Variants in STT3B observed in about 807,000 individuals in gnomAD.
The protein encoded by STT3B is dolichyl-diphosphooligosaccharide--protein glycosyltransferase subunit STT3B.
Under a neutral mutation model 96.8 loss-of-function variants are expected in STT3B, and 29 were observed. The ratio of observed to expected loss-of-function variants is 0.30; its 90% CI spans 0.22 to 0.41. The LOEUF is 0.41. Among genes scored for constraint, STT3B ranks in the 10% least tolerant of loss-of-function variants. The pLI is 1.00. For missense variants in STT3B, 640 were observed against 1,022.3 expected (o/e 0.63, Z 5.10); for synonymous variants, 367 against 360.0 (o/e 1.02, Z -0.22).
At chr3:31,537,872 T>A (rs879297861) in intron 1 of STT3B, among the ~76,000 whole-genome samples, 3 of 152,216 alleles carry the variant, frequency 2.0e-5, no homozygotes, top group Non-Finnish European at 2.9e-5. Flanking sequence ...TTTATTGTTA[T>A]ATCTTAGTAT....
chr3:31,538,705 C>T (rs1300686309), intron 1 of STT3B, among the ~76,000 whole-genome samples: 2 of 152,092 alleles, frequency 1.3e-5, no homozygotes, highest in Non-Finnish European at 2.9e-5. Context: ...TAGTATAGGA[C>T]CCACTGATAT....
chr3:31,618,328 G>C (rs1699354732), intron 8 of STT3B, among the ~76,000 whole-genome samples: 1 of 151,666 alleles, frequency 6.6e-6, no homozygotes, highest in Admixed American at 6.6e-5. Context: ...TTATTCTTAA[G>C]AATTCTTAAG....
chr3:31,572,713 T>G (rs928036600), intron 1 of STT3B, among the ~76,000 whole-genome samples: 3 of 152,080 alleles, frequency 2.0e-5, no homozygotes, highest in African/African-American at 4.8e-5. Flanking sequence ...CATAAAACAT[T>G]AGCTGAGTGT....
In STT3B at chr3:31,608,110, T is replaced by A. The variant is rs947466748; in HGVS notation, c.878-6995T>A. Reference sequence around the variant, plus strand: ...ATTCCATCTTCTACAGATGCAATATTATTATTTGCATTAATTGTTTTGCCT... The same window carrying A: ...ATTCCATCTTCTACAGATGCAATATAATTATTTGCATTAATTGTTTTGCCT... On this transcript the variant is annotated intron_variant, in intron 5 of 15. Transcript: ENST00000295770. 3.3e-5 allele frequency among the ~76,000 whole-genome samples: 5 copies of A among 152,330 alleles called. No individual in the cohort carries two copies. In the South Asian group the frequency reaches 1.0e-3, roughly 32 times the overall value.
intron 1 of STT3B, among the ~76,000 whole-genome samples, chr3:31,559,460 A>T (rs1376709881): frequency 6.6e-6 from 1 of 151,550 alleles, no homozygotes; most frequent in Non-Finnish European, 1.5e-5. Flanking sequence ...TCCTTCACCC[A>T]GTGGCCATTT....
At chr3:31,577,534 C>T (rs1168293082) in intron 2 of STT3B, among the ~76,000 whole-genome samples, 3 of 152,074 alleles carry the variant, frequency 2.0e-5, no homozygotes, top group Admixed American at 6.6e-5. Context: ...GGTTAGAGAA[C>T]ACCTTCTATG....
chr3:31,620,858 C>G (rs1028927402), intron 9 of STT3B, among the ~76,000 whole-genome samples: 1 of 152,152 alleles, frequency 6.6e-6, no homozygotes, highest in Non-Finnish European at 1.5e-5. Flanking sequence ...AAAGAAAGAA[C>G]AGCACCTGTA....
At chr3:31,615,616 A>G (rs1177448242) in intron 6 of STT3B, among the ~76,000 whole-genome samples, 2 of 151,854 alleles carry the variant, frequency 1.3e-5, no homozygotes, top group Non-Finnish European at 2.9e-5. Flanking sequence ...TTCTGAATGG[A>G]TGTTGTCACT....
chr3:31,616,059 A>G (rs1699300871), intron 6 of STT3B, among the ~76,000 whole-genome samples: 1 of 151,974 alleles, frequency 6.6e-6, no homozygotes, highest in African/African-American at 2.4e-5. Context: ...TAAATTTTAC[A>G]TGACACAAGA....
chr3:31,577,080 T>G (rs572494467), intron 2 of STT3B, among the ~76,000 whole-genome samples: 1 of 152,152 alleles, frequency 6.6e-6, no homozygotes, highest in Non-Finnish European at 1.5e-5. Flanking sequence ...CGGAGAAATA[T>G]ATGTTTGATT....
rs976102255 is a variant in STT3B at position 31,617,023 on chromosome 3, A to G, written c.1071A>G (p.Val357=). The part of the protein sequence containing the change: ...QEFQTLFFLG[V]SLAAGAVFLS... ...TCCAGACCCTTTTCTTTTTGGGTGT[A>G]TCACTAGCTGCAGGTGCTGTGTTCC... The change falls in exon 7 of 16, where the codon GTA becomes GTG. Residue 357 remains valine (V), a synonymous_variant. Coordinates refer to ENST00000295770, the MANE Select transcript of STT3B (RefSeq NM_178862.3). 30 of 1,611,930 alleles carry G rather than the reference A, an allele frequency of 1.9e-5. 1 individual carries two copies. The highest frequency in any genetic ancestry group is 6.7e-5 in the East Asian group (3 of 44,826).
intron 3 of STT3B, among the ~76,000 whole-genome samples, chr3:31,589,882 A>G (rs1698628293): frequency 1.3e-5 from 2 of 151,900 alleles, no homozygotes; most frequent in African/African-American, 4.8e-5. Flanking sequence ...CACGTTGGAC[A>G]GGGTACTTTT....
intron 1 of STT3B, among the ~76,000 whole-genome samples, chr3:31,552,593 C>T (rs1030594356): frequency 6.6e-6 from 1 of 152,012 alleles, no homozygotes; most frequent in Non-Finnish European, 1.5e-5. Flanking sequence ...TGAAAACTAC[C>T]TATGTGTATT....
At chr3:31,588,873 A>G (rs978023505) in intron 3 of STT3B, among the ~76,000 whole-genome samples, 1 of 151,900 alleles carries the variant, frequency 6.6e-6, no homozygotes, top group Non-Finnish European at 1.5e-5. Context: ...TTCTTTTCCC[A>G]CACTGTCTTG....
rs1217987373 is a variant in STT3B at position 31,585,867 on chromosome 3, AT to A, written c.711+5774del. ...TACTCCATTATATGGATGTACTACA[AT>A]TTCTTTTCCAGTTTTTGGCAATGAT... On this transcript the variant is annotated intron_variant, in intron 3 of 15. Coordinates refer to ENST00000295770, the MANE Select transcript of STT3B (RefSeq NM_178862.3). 3.9e-5 allele frequency among the ~76,000 whole-genome samples: 6 copies of A among 152,186 alleles called. No individual in the cohort carries two copies. The South Asian group carries it at 1.2e-3, about 32-fold the overall frequency.
At chr3:31,610,135 T>A (rs901040356) in intron 5 of STT3B, among the ~76,000 whole-genome samples, 1 of 152,206 alleles carries the variant, frequency 6.6e-6, no homozygotes, top group Non-Finnish European at 1.5e-5. Context: ...TTAATCCATG[T>A]TTCTTACTAT....
chr3:31,604,340 TAGG>T (rs1699000840), intron 5 of STT3B, among the ~76,000 whole-genome samples: 1 of 152,102 alleles, frequency 6.6e-6, no homozygotes, highest in Admixed American at 6.6e-5. Flanking sequence ...GCCAAATTAT[TAGG>T]AGTCACATTT....
intron 14 of STT3B, among the ~76,000 whole-genome samples, chr3:31,630,017 G>A (rs1699621706): frequency 6.6e-6 from 1 of 152,170 alleles, no homozygotes; most frequent in Non-Finnish European, 1.5e-5. Context: ...GTCAAGTCAT[G>A]TAACTCTCAG....
At chr3:31,545,692 A>G (rs1271484220) in intron 1 of STT3B, among the ~76,000 whole-genome samples, 3 of 152,080 alleles carry the variant, frequency 2.0e-5, no homozygotes, top group Admixed American at 6.6e-5. Context: ...TTCCATTGCT[A>G]TCTTTTAATA....
Sources: gnomAD v4.1 joint callset for allele counts (sites outside exome capture counted in the v4.1 genomes callset) on GRCh38, gnomAD v4.1.1 for gene constraint, MANE v1.5 for transcripts, NCBI Gene and HGNC (gene_info 2026-07-23, HGNC 2026-07-21) for gene names.